IFIH1: variants seen among roughly 807,000 people sequenced by gnomAD.
The protein encoded by IFIH1 is interferon induced with helicase C domain 1.
A neutral mutation model predicts 107.4 loss-of-function variants in IFIH1; 125 were observed. The ratio of observed to expected loss-of-function variants is 1.16; its 90% CI spans 1.01 to 1.35. IFIH1 has a LOEUF of 1.35. Among genes scored for constraint, IFIH1 ranks in the 40% most tolerant of loss-of-function variants. IFIH1 has a pLI of 0.00. For synonymous variants in IFIH1, 458 were observed against 413.2 expected (o/e 1.11, Z -1.31); for missense variants, 1,333 against 1,213.7 (o/e 1.10, Z -1.46).
At chr2:162,284,462 G>T (rs866850166) in intron 5 of IFIH1, among the ~76,000 whole-genome samples, 6 of 151,938 alleles carry the variant, frequency 3.9e-5, no homozygotes, top group Non-Finnish European at 7.4e-5. Flanking sequence ...TGAAATAGAG[G>T]ATGCTGTATT....
chr2:162,292,734 T>C (rs1199785818), intron 4 of IFIH1, among the ~76,000 whole-genome samples: 2 of 151,848 alleles, frequency 1.3e-5, no homozygotes, highest in African/African-American at 4.8e-5. Context: ...CAAAGCATTT[T>C]ATTTTTGTTT....
chr2:162,282,930 A>G (rs1228361364), intron 5 of IFIH1, among the ~76,000 whole-genome samples: 1 of 151,804 alleles, frequency 6.6e-6, no homozygotes, highest in East Asian at 1.9e-4. Flanking sequence ...GACAGTTAAG[A>G]GAAGAAGCAA....
intron 11 of IFIH1, among the ~76,000 whole-genome samples, chr2:162,274,318 C>T (rs1338528578): frequency 6.6e-6 from 1 of 152,106 alleles, no homozygotes; most frequent in Non-Finnish European, 1.5e-5. Flanking sequence ...ACATTAACTT[C>T]AGAATCTTTG....
chr2:162,296,325 A>G (rs1683084446), intron 3 of IFIH1, among the ~76,000 whole-genome samples: 1 of 152,106 alleles, frequency 6.6e-6, no homozygotes, highest in African/African-American at 2.4e-5. Context: ...TTTTGATCTA[A>G]CAAACCAATC....
At chr2:162,293,534 T>C in intron 4 of IFIH1, 30 bp downstream of exon 4, 1 of 1,435,532 alleles carries the variant, frequency 7.0e-7, no homozygotes, top group Non-Finnish European at 9.8e-7. Context: ...TTTCACACTT[T>C]TTAAGGTTTA....
intron 5 of IFIH1, among the ~76,000 whole-genome samples, chr2:162,285,037 A>G (rs963047572): frequency 5.9e-5 from 9 of 152,002 alleles, no homozygotes; most frequent in African/African-American, 2.2e-4. Flanking sequence ...TTGACTTCCT[A>G]CTGAAGGACA....
intron 1 of IFIH1, among the ~76,000 whole-genome samples, chr2:162,317,312 G>C (rs970106538): frequency 1.3e-5 from 2 of 152,040 alleles, no homozygotes; most frequent in Admixed American, 1.3e-4. Context: ...TAGCCTGTGG[G>C]CCTGAAAAAA....
At position 162,278,249 on chromosome 2, in the gene IFIH1, C is replaced by T. The variant is rs775003095; in HGVS notation, c.1721G>A (p.Gly574Glu). 3 of 1,601,996 alleles carry T rather than the reference C, an allele frequency of 1.9e-6. No individual in the cohort carries two copies. In the South Asian group the frequency reaches 3.4e-5, roughly 18 times the overall value. Residue 574 changes from glycine (G) to glutamate (E), a missense_variant, in exon 9 of 16, where the codon GGA becomes GAA. By Grantham distance (98) the Gly-to-Glu change is moderately conservative (BLOSUM62 -2). Coordinates refer to ENST00000649979, the MANE Select transcript of IFIH1 (RefSeq NM_022168.4). ...YCQMSPMSDFGTQPYEQWAIQ... is the reference protein window; with the variant it reads ...YCQMSPMSDFETQPYEQWAIQ... ...GGCCCATTGTTCATAGGGTTGAGTT[C>T]CAAAATCTGACATTGGACTCATTTG...
chr2:162,281,635 G>T lies in IFIH1; in HGVS notation c.1307-90C>A, dbSNP rs766097041. 2.5e-5 allele frequency: 23 copies of T among 921,340 alleles called. 1 individual carries two copies. Among genetic ancestry groups the T allele is most frequent in the Non-Finnish European group, 3.6e-5 (22 of 604,512 alleles). The allele number at this position is 921,340 out of a possible 1,614,324, so 57.1% of individuals were successfully genotyped here. A position where few individuals can be genotyped will look rare whatever the true frequency, so the allele number is the denominator to read the frequency against. Reference sequence around the variant, plus strand: ...AGACCAGTAATTGAGCTGCCTTGGGGATGCCTTCTCTTGGGCACGACACAA... The same window carrying T: ...AGACCAGTAATTGAGCTGCCTTGGGTATGCCTTCTCTTGGGCACGACACAA... On this transcript the variant is annotated intron_variant, in intron 6 of 15. Coordinates refer to ENST00000649979, the MANE Select transcript of IFIH1 (RefSeq NM_022168.4).
chr2:162,314,398 C>CCTTTCTTT (rs1553461352), intron 1 of IFIH1, among the ~76,000 whole-genome samples: 1,089 of 66,778 alleles, frequency 0.016, 103 homozygotes, highest in East Asian at 0.061. Flanking sequence ...CTCCCTCCCT[C>CCTTTCTTT]CTTTCTTTCT....
intron 1 of IFIH1, among the ~76,000 whole-genome samples, chr2:162,314,041 G>C (rs1481658683): frequency 6.6e-6 from 1 of 152,108 alleles, no homozygotes. Context: ...GATGAAACAT[G>C]CATCTCTCTT....
chr2:162,276,172 A>G (rs2105195906), intron 11 of IFIH1, among the ~76,000 whole-genome samples: 2 of 152,276 alleles, frequency 1.3e-5, no homozygotes, highest in South Asian at 4.1e-4. Flanking sequence ...CCTCTCAAAA[A>G]CCACAGATTT....
chr2:162,285,051 A>G (rs777811264), intron 5 of IFIH1, among the ~76,000 whole-genome samples: 1 of 152,022 alleles, frequency 6.6e-6, no homozygotes, highest in Non-Finnish European at 1.5e-5. Context: ...AAGGACACAG[A>G]GAAAGCCAGA....
chr2:162,277,593 C>T lies in IFIH1; in HGVS notation c.1866G>A (p.Ala622=), dbSNP rs766027130. ...QINDTIRMID[A]YTHLETFYNE... ...TATAGAAAGTTTCAAGATGAGTATA[C>T]GCATCTATCATTCGAATTGTGTCAT... is the stretch of plus-strand genomic sequence containing the variant. Residue 622 remains alanine, a synonymous_variant, in exon 10 of 16, where the codon GCG becomes GCA. Coordinates refer to ENST00000649979, the MANE Select transcript of IFIH1 (RefSeq NM_022168.4). 6.2e-5 allele frequency: 100 copies of T among 1,612,666 alleles called. No homozygotes were observed. The Admixed American group carries it at 1.2e-3, about 19-fold the overall frequency.
intron 6 of IFIH1, 109 bp from the exon 7 acceptor site, chr2:162,281,654 G>A (rs1488088161): frequency 5.6e-6 from 4 of 712,604 alleles, no homozygotes; most frequent in South Asian, 1.8e-5. Flanking sequence ...TCTTGGGCAC[G>A]ACACAAGAGC....
intron 10 of IFIH1, 48 bp downstream of exon 10, chr2:162,277,367 T>A (rs970441922): frequency 6.0e-6 from 8 of 1,341,174 alleles, no homozygotes; most frequent in Non-Finnish European, 8.4e-6. Context: ...TAAGTTCATG[T>A]TGAAAAGGTA....
rs767505022 is a variant in IFIH1, at chr2:162,268,069, G to A, written c.2807+18C>T. On this transcript the variant is annotated intron_variant, in intron 14 of 15. Coordinates refer to ENST00000649979, the MANE Select transcript of IFIH1 (RefSeq NM_022168.4). ...ACCCCTTGTGGAAAAATGTAAAAAT[G>A]GGTCTTTCTGGACTCACTTGAATTC... 6.5e-7 allele frequency: 1 copy of A among 1,544,036 alleles called. No homozygotes were observed.
chr2:162,316,398 C>T (rs1409899262), intron 1 of IFIH1, among the ~76,000 whole-genome samples: 4 of 152,268 alleles, frequency 2.6e-5, no homozygotes, highest in Non-Finnish European at 5.9e-5. Context: ...TACTATAATG[C>T]GTTCTAGCTG....
chr2:162,312,024 GA>G (rs1257308863), intron 1 of IFIH1, among the ~76,000 whole-genome samples: 2 of 152,098 alleles, frequency 1.3e-5, no homozygotes, highest in Non-Finnish European at 2.9e-5. Context: ...TCCCAGATAA[GA>G]AATATTGACT....
Sources: allele counts gnomAD v4.1 joint callset (sites outside exome capture counted in the v4.1 genomes callset), GRCh38; gene constraint gnomAD v4.1.1; transcripts MANE v1.5; gene names NCBI Gene and HGNC (gene_info 2026-07-23, HGNC 2026-07-21).